UPB1: variants seen among roughly 807,000 people sequenced by gnomAD.
The protein encoded by UPB1 is beta-ureidopropionase.
In UPB1, 40 loss-of-function variants were observed where a neutral mutation model predicts 49.1. The ratio of observed to expected loss-of-function variants is 0.81; its 90% CI spans 0.63 to 1.06. The LOEUF (loss-of-function observed/expected upper bound fraction) is 1.06. UPB1 is among the 50% of genes least tolerant of loss of function. The pLI, the probability that UPB1 is intolerant of heterozygous loss-of-function variation, is 0.00. For missense variants in UPB1, 499 were observed against 505.9 expected, an observed-to-expected ratio of 0.99 and a Z score of 0.13; for synonymous variants, 207 against 198.2, an observed-to-expected ratio of 1.04 and a Z score of -0.38.
intron 1 of UPB1, among the ~76,000 whole-genome samples, chr22:24,499,611 C>T (rs1204511626): frequency 6.6e-6 from 1 of 152,116 alleles, no homozygotes; most frequent in Non-Finnish European, 1.5e-5. Flanking sequence ...CTTTATTCAC[C>T]ATAAGGCCAT....
chr22:24,521,927 G>T, intron 7 of UPB1, 59 bp from the exon 8 acceptor site: 1 of 1,576,960 alleles, frequency 6.3e-7, no homozygotes, highest in South Asian at 1.1e-5. Context: ...GAGTGAGCTG[G>T]AATGAGTGTA....
intron 1 of UPB1, among the ~76,000 whole-genome samples, chr22:24,499,069 G>A (rs2043941570): frequency 6.6e-6 from 1 of 152,172 alleles, no homozygotes; most frequent in African/African-American, 2.4e-5. Flanking sequence ...CTGGAGTGAA[G>A]GGAACCTTGA....
chr22:24,521,492 T>TAAA (rs1568996103), intron 7 of UPB1, among the ~76,000 whole-genome samples: 6 of 152,064 alleles, frequency 3.9e-5, no homozygotes, highest in African/African-American at 1.4e-4. Flanking sequence ...AAATAAATAA[T>TAAA]TAAATAAATA....
chr22:24,507,130 G>A (rs1568985201), intron 3 of UPB1, among the ~76,000 whole-genome samples: 1 of 152,220 alleles, frequency 6.6e-6, no homozygotes, highest in Non-Finnish European at 1.5e-5. Flanking sequence ...TTACATTAGA[G>A]TGGTTGTGTA....
At position 24,527,385 on chromosome 22, in the gene UPB1, C is replaced by T. The variant is rs1292302843; in HGVS notation, c.*1591C>T. ...AAAAAAAAGGGGTGGGGACCATATT[C>T]CTGCTTTATGTCAAGACACTGGTAA... On this transcript the variant is annotated 3_prime_UTR_variant, in exon 10 of 10. Transcript: ENST00000326010. The T allele has an allele frequency of 6.6e-6, 1 of 152,064 alleles. No individual in the cohort carries two copies. Among genetic ancestry groups the T allele is most frequent in the Non-Finnish European group, 1.5e-5 (1 of 68,120 alleles). The allele number at this position is 152,064 out of a possible 1,614,324, so 9.4% of individuals were successfully genotyped here.
At chr22:24,498,713 C>T (rs1601475937) in intron 1 of UPB1, among the ~76,000 whole-genome samples, 1 of 152,098 alleles carries the variant, frequency 6.6e-6, no homozygotes, top group African/African-American at 2.4e-5. Context: ...GTGGTGGTTA[C>T]AGCCATGTTT....
intron 5 of UPB1, among the ~76,000 whole-genome samples, chr22:24,513,866 C>G (rs558757343): frequency 6.6e-6 from 1 of 152,274 alleles, no homozygotes; most frequent in South Asian, 2.1e-4. Flanking sequence ...GAGCCTAGCA[C>G]GCCACAGCCC....
At chr22:24,506,981 C>T (rs144132474) in intron 3 of UPB1, among the ~76,000 whole-genome samples, 2 of 148,974 alleles carry the variant, frequency 1.3e-5, no homozygotes, top group Non-Finnish European at 3.0e-5. Flanking sequence ...CTCCTTCCCT[C>T]TAGGCTGGCA....
intron 3 of UPB1, among the ~76,000 whole-genome samples, chr22:24,507,522 C>T (rs1483698757): frequency 6.6e-6 from 1 of 152,066 alleles, no homozygotes; most frequent in Non-Finnish European, 1.5e-5. Context: ...GACGATCTGC[C>T]TATTACGAAG....
At chr22:24,506,183 G>A (rs2044087190) in intron 3 of UPB1, among the ~76,000 whole-genome samples, 1 of 150,316 alleles carries the variant, frequency 6.7e-6, no homozygotes, top group Non-Finnish European at 1.5e-5. Flanking sequence ...ACCACACCCA[G>A]CTAATTTTTG....
chr22:24,510,274 A>G (rs945546858), intron 3 of UPB1, among the ~76,000 whole-genome samples: 5 of 151,932 alleles, frequency 3.3e-5, no homozygotes, highest in Non-Finnish European at 7.4e-5. Context: ...AATACCTCCT[A>G]TGAGTAGACG....
At position 24,526,233 on chromosome 22, in the gene UPB1, T is replaced by TACG; in HGVS notation, c.*439_*440insACG. 3.7e-6 allele frequency: 1 copy of TACG among 271,852 alleles called. No individual in the cohort carries two copies. The allele number at this position is 271,852 out of a possible 1,614,324, so 16.8% of individuals were successfully genotyped here. A position where few individuals can be genotyped will look rare whatever the true frequency, so the allele number is the denominator to read the frequency against. ...TGTGGTGGGTCGGATGGTCTTTGGA[T>TACG]GTGTCAGCTTAGCTAGGCCACAGTC... On this transcript the variant is annotated 3_prime_UTR_variant, in exon 10 of 10. Coordinates refer to ENST00000326010, the MANE Select transcript of UPB1 (RefSeq NM_016327.3).
rs2043847665 is a variant in UPB1, at chr22:24,495,395, A to G, written c.-9A>G. On this transcript the variant is annotated 5_prime_UTR_variant, in exon 1 of 10. Transcript: ENST00000326010. ...CGTGCGCGGACACAAGCACTGGCGG[A>G]CCGTGGCCATGGCGGGCGCTGAGTG... The G allele has an allele frequency of 6.2e-7, 1 of 1,612,720 alleles. No homozygotes were observed. Among genetic ancestry groups the G allele is most frequent in the Admixed American group, 1.7e-5 (1 of 60,024 alleles).
rs756054549 is a variant in UPB1 at position 24,525,716 on chromosome 22, G to A, written c.1077G>A (p.Thr359=). The part of the protein sequence containing the change: ...QVNDVWNFKM[T]GRYEMYAREL... ...CATCTGTGTTTTGCTTTCAGATGAC[G>A]GGCAGGTATGAGATGTACGCACGGG... The change falls in exon 10 of 10, where the codon ACG becomes ACA. Residue 359 remains threonine, a synonymous_variant. Transcript: ENST00000326010. 26 of 1,614,044 alleles carry A rather than the reference G, an allele frequency of 1.6e-5. No individual in the cohort carries two copies. Among genetic ancestry groups the A allele is most frequent in the African/African-American group, 2.7e-5 (2 of 74,924 alleles).
Position 24,516,279 on chromosome 22 carries a change from C to T in UPB1, c.791+909C>T, listed in dbSNP as rs566830509. Reference sequence around the variant, plus strand: ...ACAGATAGAACTGCCCTTGTCAAGGCAGGGCTGGGGGATGAGGGGAGGGTG... The same window carrying T: ...ACAGATAGAACTGCCCTTGTCAAGGTAGGGCTGGGGGATGAGGGGAGGGTG... On this transcript the variant is annotated intron_variant, in intron 6 of 9. Transcript: ENST00000326010. Among the ~76,000 whole-genome samples the T allele has an allele frequency of 2.6e-5, 4 of 152,072 alleles. No individual in the cohort carries two copies. In the South Asian group the frequency reaches 8.3e-4, roughly 32 times the overall value.
At chr22:24,510,978 G>T in intron 4 of UPB1, 135 bp downstream of exon 4, 1 of 896,630 alleles carries the variant, frequency 1.1e-6, no homozygotes, top group Non-Finnish European at 1.8e-6. Flanking sequence ...GATAAGATTA[G>T]ATAAGACTAT....
At chr22:24,509,140 A>G (rs2044145993) in intron 3 of UPB1, among the ~76,000 whole-genome samples, 1 of 152,164 alleles carries the variant, frequency 6.6e-6, no homozygotes, top group Non-Finnish European at 1.5e-5. Context: ...GGCACCGTTC[A>G]CACCAGCAGA....
At chr22:24,505,213 T>C (rs1336231249) in intron 3 of UPB1, among the ~76,000 whole-genome samples, 1 of 152,226 alleles carries the variant, frequency 6.6e-6, no homozygotes, top group Non-Finnish European at 1.5e-5. Context: ...CGATATCTTC[T>C]CTTACCTCTA....
rs1212741523 is a variant in UPB1, at chr22:24,528,220, A to G, written c.*2426A>G. ...TAGGTGACAAATTGGTACATTTGTGAAACAGGCATGAATAAATGGACCACA... is the reference window on the plus strand; with the variant it reads ...TAGGTGACAAATTGGTACATTTGTGGAACAGGCATGAATAAATGGACCACA... On this transcript the variant is annotated 3_prime_UTR_variant, in exon 10 of 10. Transcript: ENST00000326010. 1 of 152,240 alleles carries G rather than the reference A, an allele frequency of 6.6e-6. No homozygotes were observed. The highest frequency in any genetic ancestry group is 1.5e-5 in the Non-Finnish European group (1 of 68,050). The allele number at this position is 152,240 out of a possible 1,614,324, so 9.4% of individuals were successfully genotyped here.
Sources: allele counts gnomAD v4.1 joint callset (sites outside exome capture counted in the v4.1 genomes callset), GRCh38; gene constraint gnomAD v4.1.1; transcripts MANE v1.5; gene names NCBI Gene and HGNC (gene_info 2026-07-23, HGNC 2026-07-21).